TBC1D21: variants seen among roughly 807,000 people sequenced by gnomAD.
The protein encoded by TBC1D21 is male germ cell Rab GTPase-activating protein.
In TBC1D21, 38 loss-of-function variants were observed where a neutral mutation model predicts 46.0. That is an observed-to-expected ratio of 0.83 (90% confidence interval 0.64 to 1.08). The LOEUF (loss-of-function observed/expected upper bound fraction) is 1.08, where lower values mean the gene tolerates loss of function less well. Ranked by LOEUF, TBC1D21 falls within the 50% of genes least tolerant of loss-of-function variation. TBC1D21 has a pLI of 0.00. For synonymous variants in TBC1D21, 151 were observed against 157.2 expected (o/e 0.96, Z 0.29); for missense variants, 415 against 417.9 (o/e 0.99, Z 0.06).
At position 73,884,993 on chromosome 15, in the gene TBC1D21, T is replaced by G. The variant is rs769264004; in HGVS notation, c.479-10T>G. 4 of 1,192,996 alleles carry G rather than the reference T, an allele frequency of 3.4e-6. No homozygotes were observed. The highest frequency in any genetic ancestry group is 1.2e-5 in the South Asian group (1 of 83,290). The allele number at this position is 1,192,996 out of a possible 1,614,324, so 73.9% of individuals were successfully genotyped here. ...CCAGCCCCTCCTCCCCAACCCCCTC[T>G]TCGCCACAGAGTACCAGCAGGGCTT... On this transcript the variant is annotated splice_polypyrimidine_tract_variant and intron_variant, in intron 5 of 10. Transcript: ENST00000300504.
intron 3 of TBC1D21, among the ~76,000 whole-genome samples, chr15:73,883,230 G>A (rs771256502): frequency 6.6e-6 from 1 of 152,230 alleles, no homozygotes. Flanking sequence ...GGGGTGGGAC[G>A]GGGGTGTGAG....
At chr15:73,875,039 G>A (rs1239824357) in intron 1 of TBC1D21, among the ~76,000 whole-genome samples, 1 of 152,084 alleles carries the variant, frequency 6.6e-6, no homozygotes, top group Non-Finnish European at 1.5e-5. Context: ...CTGAGGTCGC[G>A]AGTTCAAGAC....
chr15:73,877,514 TAAAAAAAAA>T (rs541803630), intron 1 of TBC1D21, among the ~76,000 whole-genome samples: 1,210 of 72,756 alleles, frequency 0.017, 13 homozygotes, highest in African/African-American at 0.068. Flanking sequence ...TCCAGAAAAC[TAAAAAAAAA>T]AAAAAAAAAA....
rs781612900 is a variant in TBC1D21 at position 73,881,650 on chromosome 15, C to T, written c.175C>T (p.His59Tyr). 5 of 1,613,800 alleles carry T rather than the reference C, an allele frequency of 3.1e-6. No individual in the cohort carries two copies. The South Asian group carries it at 5.5e-5, about 18-fold the overall frequency. ...ICVNILERGL[H>Y]PFVRTEAWKF... Reference sequence around the variant, plus strand: ...CCTCCCACCCCCACCCCAGGGTCTGCACCCCTTCGTGAGGACTGAAGCCTG... The same window carrying T: ...CCTCCCACCCCCACCCCAGGGTCTGTACCCCTTCGTGAGGACTGAAGCCTG... Residue 59 changes from histidine to tyrosine, a missense_variant, in exon 3 of 11, where the codon CAC (histidine) becomes TAC (tyrosine). Physicochemically the swap from His to Tyr is moderately conservative, Grantham distance 83. Coordinates refer to ENST00000300504, the MANE Select transcript of TBC1D21 (RefSeq NM_153356.3).
rs760609916 is a variant in TBC1D21 at position 73,881,687 on chromosome 15, C to T, written c.212C>T (p.Thr71Met). ...AGGACTGAAGCCTGGAAATTCCTCA[C>T]GGGCTACTTCTCATGGCAGAGTTCC... Reference protein sequence around the residue: ...FVRTEAWKFLTGYFSWQSSQD... With the variant: ...FVRTEAWKFLMGYFSWQSSQD... The change falls in exon 3 of 11, where the codon ACG becomes ATG. Residue 71 changes from threonine (T) to methionine (M), a missense_variant. By Grantham distance (81) the Thr-to-Met change is moderately conservative (BLOSUM62 -1). Transcript: ENST00000300504. The T allele has an allele frequency of 1.2e-5, 19 of 1,613,638 alleles. No homozygotes were observed. The highest frequency in any genetic ancestry group is 6.7e-5 in the Admixed American group (4 of 59,980).
chr15:73,888,561 C>G (rs764224279), intron 10 of TBC1D21, 48 bp downstream of exon 10: 2 of 1,279,586 alleles, frequency 1.6e-6, no homozygotes, highest in Non-Finnish European at 2.2e-6. Context: ...CCTCCTCCTC[C>G]TCTTCCTCCT....
chr15:73,898,863 C>CAAAAAAAAAAAAAAA, the TBC1D21 span, among the ~76,000 whole-genome samples: 3 of 24,110 alleles, frequency 1.2e-4, no homozygotes, highest in Non-Finnish European at 1.8e-4. Flanking sequence ...GACTCCATCT[C>CAAAAAAAAAAAAAAA]AAAAAAAAAA....
chr15:73,882,709 A>G (rs1256708411), intron 3 of TBC1D21, among the ~76,000 whole-genome samples: 1 of 152,214 alleles, frequency 6.6e-6, no homozygotes, highest in Non-Finnish European at 1.5e-5. Context: ...CTCCTCCTCT[A>G]TAAAATGCAG....
chr15:73,878,909 G>A (rs977956761), intron 1 of TBC1D21, among the ~76,000 whole-genome samples: 2 of 152,136 alleles, frequency 1.3e-5, no homozygotes, highest in African/African-American at 4.8e-5. Flanking sequence ...ATGAGTGTAG[G>A]TTGGGAGAAC....
chr15:73,883,854 A>T (rs2068196113), intron 3 of TBC1D21, among the ~76,000 whole-genome samples: 1 of 152,224 alleles, frequency 6.6e-6, no homozygotes, highest in Admixed American at 6.5e-5. Flanking sequence ...CGTGTCCCCA[A>T]GACTTGCCCC....
intron 2 of TBC1D21, 32 bp from the exon 3 acceptor site, chr15:73,881,612 C>T (rs1294862499): frequency 6.2e-7 from 1 of 1,604,890 alleles, no homozygotes; most frequent in Admixed American, 1.7e-5. Context: ...ATCGATAGAG[C>T]CCATGACCTC....
intron 4 of TBC1D21, 140 bp from the exon 5 acceptor site, chr15:73,884,641 A>C: frequency 1.6e-6 from 1 of 642,028 alleles, no homozygotes; most frequent in East Asian, 2.7e-5. Context: ...TGAGCCTGGC[A>C]GGGGCTGATG....
At chr15:73,873,822 A>C in intron 1 of TBC1D21, 53 bp downstream of exon 1, 1 of 1,576,984 alleles carries the variant, frequency 6.3e-7, no homozygotes. Context: ...TCTGGTTGGC[A>C]CTGGGACCAT....
the TBC1D21 span, among the ~76,000 whole-genome samples, chr15:73,901,693 T>A: frequency 6.6e-6 from 1 of 152,210 alleles, no homozygotes; most frequent in Non-Finnish European, 1.5e-5. Flanking sequence ...CCTGCATTCC[T>A]GGGCTAGTGG....
At chr15:73,900,168 T>C in the TBC1D21 span, among the ~76,000 whole-genome samples, 14 of 152,340 alleles carry the variant, frequency 9.2e-5, no homozygotes, top group Admixed American at 7.8e-4. Context: ...CTGCCAGCCC[T>C]GGGCTCCTGC....
At chr15:73,879,381 G>GT (rs999459138) in intron 1 of TBC1D21, among the ~76,000 whole-genome samples, 1 of 151,834 alleles carries the variant, frequency 6.6e-6, no homozygotes, top group Non-Finnish European at 1.5e-5. Flanking sequence ...GCTAATTTTT[G>GT]TTTTTTGTTT....
downstream of TBC1D21, among the ~76,000 whole-genome samples, chr15:73,892,705 G>GT (rs2068346720): frequency 6.6e-6 from 1 of 152,254 alleles, no homozygotes; most frequent in African/African-American, 2.4e-5. Context: ...CCCTTGGCAA[G>GT]TGTGGGCTCC....
downstream of TBC1D21, among the ~76,000 whole-genome samples, chr15:73,891,759 A>G (rs576904768): frequency 6.6e-6 from 1 of 152,340 alleles, no homozygotes; most frequent in Admixed American, 6.5e-5. Flanking sequence ...GGCAGCACTT[A>G]CACACCAGCC....
chr15:73,890,604 A>C (rs994210542), downstream of TBC1D21, among the ~76,000 whole-genome samples: 1 of 152,256 alleles, frequency 6.6e-6, no homozygotes, highest in Non-Finnish European at 1.5e-5. Flanking sequence ...GGCCTTGGGA[A>C]GAGAACAATC....
Sources: allele counts gnomAD v4.1 joint callset (sites outside exome capture counted in the v4.1 genomes callset), GRCh38; gene constraint gnomAD v4.1.1; transcripts MANE v1.5; gene names NCBI Gene and HGNC (gene_info 2026-07-23, HGNC 2026-07-21).